RPTOR: variants seen among roughly 807,000 people sequenced by gnomAD.
RPTOR encodes the protein regulatory associated protein of MTOR complex 1, also known as regulatory-associated protein of mTOR.
A neutral mutation model predicts 169.9 loss-of-function variants in RPTOR; 21 were observed. The ratio of observed to expected loss-of-function variants is 0.12; its 90% CI spans 0.09 to 0.18. RPTOR has a LOEUF of 0.18. RPTOR is among the 10% of genes least tolerant of loss of function. RPTOR has a pLI of 1.00. For synonymous variants in RPTOR, 732 were observed against 753.2 expected (o/e 0.97, Z 0.46); for missense variants, 1,133 against 1,855.9 (o/e 0.61, Z 7.16).
At chr17:80,666,601 C>T (rs1242750521) in intron 3 of RPTOR, among the ~76,000 whole-genome samples, 1 of 152,198 alleles carries the variant, frequency 6.6e-6, no homozygotes, top group Non-Finnish European at 1.5e-5. Context: ...TAAGTGATAC[C>T]TCCTACTGGC....
chr17:80,792,505 A>T (rs532011938), intron 7 of RPTOR, among the ~76,000 whole-genome samples: 18 of 152,142 alleles, frequency 1.2e-4, no homozygotes, highest in Non-Finnish European at 2.1e-4. Flanking sequence ...GGGAAGCGAC[A>T]CTGGTCCTGA....
chr17:80,842,084 A>T (rs1020452553), intron 10 of RPTOR, among the ~76,000 whole-genome samples: 9 of 152,156 alleles, frequency 5.9e-5, no homozygotes, highest in Non-Finnish European at 1.2e-4. Flanking sequence ...CATTCATTGC[A>T]AGGTGGACAC....
chr17:80,701,142 G>A (rs2066097424), intron 3 of RPTOR, among the ~76,000 whole-genome samples: 1 of 152,140 alleles, frequency 6.6e-6, no homozygotes, highest in Non-Finnish European at 1.5e-5. Flanking sequence ...CAGAAGATGT[G>A]CACTGGACAA....
chr17:80,845,967 G>T lies in RPTOR; in HGVS notation c.1213-506G>T, dbSNP rs952474408. ...CTGCCGGGCCCTCACCGGCCCCAGCGCGGCCCCAGCTCATCTCCTTGGTCT... is the reference window on the plus strand; with the variant it reads ...CTGCCGGGCCCTCACCGGCCCCAGCTCGGCCCCAGCTCATCTCCTTGGTCT... On this transcript the variant is annotated intron_variant, in intron 10 of 33. Transcript: ENST00000306801. This position sits in a 1 kb window ranked among gnomAD's most constrained non-coding sequence, Gnocchi z 5.4. 6.6e-6 allele frequency among the ~76,000 whole-genome samples: 1 copy of T among 151,834 alleles called. No homozygotes were observed. The highest frequency in any genetic ancestry group is 2.4e-5 in the African/African-American group (1 of 41,284).
rs774670906 is a variant in RPTOR at position 80,651,504 on chromosome 17, G to A, written c.348+7694G>A. ...GTACAGCTCCCTCCCAAATGTCCGC[G>A]ATTTACTTGTTGGTATGACACATAA... is the stretch of plus-strand genomic sequence containing the variant. On this transcript the variant is annotated intron_variant, in intron 3 of 33. Transcript: ENST00000306801. This position sits in a 1 kb window ranked among gnomAD's most constrained non-coding sequence, Gnocchi z 4.1. Among the ~76,000 whole-genome samples the A allele has an allele frequency of 5.9e-5, 9 of 151,670 alleles. No individual in the cohort carries two copies. In the East Asian group the frequency reaches 7.7e-4, roughly 13 times the overall value.
chr17:80,608,426 G>A (rs2065244028), intron 1 of RPTOR, among the ~76,000 whole-genome samples: 1 of 152,176 alleles, frequency 6.6e-6, no homozygotes. Context: ...TACAGCCGTT[G>A]TTTTTTCTAA....
intron 1 of RPTOR, among the ~76,000 whole-genome samples, chr17:80,621,367 A>G (rs2065352851): frequency 6.6e-6 from 1 of 152,238 alleles, no homozygotes; most frequent in Non-Finnish European, 1.5e-5. Context: ...AATTAGCTGC[A>G]TTTGTAGAGG....
intron 2 of RPTOR, among the ~76,000 whole-genome samples, chr17:80,636,284 C>A (rs2065505459): frequency 6.6e-6 from 1 of 152,178 alleles, no homozygotes; most frequent in African/African-American, 2.4e-5. Flanking sequence ...AACATCACAA[C>A]ACCTCAAACA....
chr17:80,895,507 C>T (rs1380154187), intron 20 of RPTOR, among the ~76,000 whole-genome samples: 5 of 152,258 alleles, frequency 3.3e-5, no homozygotes, highest in Non-Finnish European at 7.3e-5. Flanking sequence ...CCTTGTTAAC[C>T]ACTGTCTCCT....
chr17:80,670,899 G>C (rs541109122), intron 3 of RPTOR, among the ~76,000 whole-genome samples: 1 of 152,038 alleles, frequency 6.6e-6, no homozygotes, highest in Admixed American at 6.5e-5. Flanking sequence ...CTGGTCCTAG[G>C]GGAGCACACG....
chr17:80,564,013 TC>T (rs1474231092), intron 1 of RPTOR, among the ~76,000 whole-genome samples: 1 of 152,172 alleles, frequency 6.6e-6, no homozygotes, highest in Non-Finnish European at 1.5e-5. Flanking sequence ...TTGGGTGGTT[TC>T]CAGCATTTCG....
At chr17:80,593,552 A>G (rs1361583319) in intron 1 of RPTOR, 1 of 154,502 alleles carries the variant, frequency 6.5e-6, no homozygotes, top group Non-Finnish European at 1.5e-5. Flanking sequence ...ATCAAACAAT[A>G]CTGACAATTA....
rs1025770112 is a variant in RPTOR, at chr17:80,958,656, G to A, written c.3477+926G>A. 7.2e-5 allele frequency among the ~76,000 whole-genome samples: 11 copies of A among 151,798 alleles called. No individual in the cohort carries two copies. The South Asian group carries it at 2.1e-3, about 29-fold the overall frequency. Reference sequence around the variant, plus strand: ...TCTCTATCTCCTGACCTCGTGATCCGCCCACCTCAGCCTCCCAAAGTGCTG... The same window carrying A: ...TCTCTATCTCCTGACCTCGTGATCCACCCACCTCAGCCTCCCAAAGTGCTG... On this transcript the variant is annotated intron_variant, in intron 29 of 33. Coordinates refer to ENST00000306801, the MANE Select transcript of RPTOR (RefSeq NM_020761.3).
intron 28 of RPTOR, among the ~76,000 whole-genome samples, chr17:80,952,150 T>C (rs6420481): frequency 0.52 from 78,525 of 152,102 alleles, 21,442 homozygotes; most frequent in African/African-American, 0.7. Context: ...GAGCCGTGAA[T>C]GCTGACCACA....
intron 3 of RPTOR, among the ~76,000 whole-genome samples, chr17:80,680,999 G>A (rs370975580): frequency 6.6e-6 from 1 of 152,096 alleles, no homozygotes; most frequent in African/African-American, 2.4e-5. Flanking sequence ...GAGGGAGCCC[G>A]TGAGGCTCAT....
intron 21 of RPTOR, among the ~76,000 whole-genome samples, chr17:80,909,272 G>A (rs1208110266): frequency 3.3e-5 from 5 of 151,850 alleles, no homozygotes; most frequent in Non-Finnish European, 7.4e-5. Context: ...TAAGAGATGG[G>A]GTCTCCCTGT....
chr17:80,804,032 G>A (rs947540755), intron 7 of RPTOR, among the ~76,000 whole-genome samples: 4 of 152,202 alleles, frequency 2.6e-5, no homozygotes, highest in East Asian at 1.9e-4. Flanking sequence ...AATTAACACC[G>A]CTAACCTGGC....
intron 12 of RPTOR, among the ~76,000 whole-genome samples, chr17:80,856,974 G>C (rs1043953390): frequency 1.3e-5 from 2 of 152,156 alleles, no homozygotes; most frequent in East Asian, 3.9e-4. Context: ...CTTTCACAGG[G>C]AAGGGACCCA....
rs756882105 is a variant in RPTOR at position 80,754,051 on chromosome 17, T to A, written c.696T>A (p.Pro232=). Residue 232 remains proline (P), a synonymous_variant, in exon 6 of 34, where the codon CCT becomes CCA. Coordinates refer to ENST00000306801, the MANE Select transcript of RPTOR (RefSeq NM_020761.3). This position sits in a 1 kb window ranked among gnomAD's most constrained non-coding sequence, Gnocchi z 4.2. The part of the protein sequence containing the change: ...INPNHPLAQM[P]LPPSMKNCIQ... ...CAAATCACCCTCTTGCTCAGATGCC[T>A]TTGCCTCCGTCGATGAAAAACTGCA... The A allele has an allele frequency of 6.2e-7, 1 of 1,614,162 alleles. No individual in the cohort carries two copies. Among genetic ancestry groups the A allele is most frequent in the South Asian group, 1.1e-5 (1 of 91,088 alleles).
Sources: gnomAD v4.1 joint callset for allele counts (sites outside exome capture counted in the v4.1 genomes callset) on GRCh38, gnomAD v4.1.1 for gene constraint, Gnocchi (gnomAD v3.1) non-coding constraint, MANE v1.5 for transcripts, NCBI Gene and HGNC (gene_info 2026-07-23, HGNC 2026-07-21) for gene names.